Variants in NXPH2 observed in about 807,000 individuals in gnomAD.
NXPH2 encodes neurexophilin-2.
A neutral mutation model predicts 19.8 loss-of-function variants in NXPH2; 5 were observed. That is an observed-to-expected ratio of 0.25 (90% CI 0.13 to 0.53). The LOEUF (loss-of-function observed/expected upper bound fraction) is 0.53, where lower values mean the gene tolerates loss of function less well. Among genes scored for constraint, NXPH2 ranks in the 20% least tolerant of loss-of-function variants. The probability of loss-of-function intolerance (pLI) is 0.96; values close to 1 mark genes in which losing one functional copy is unlikely to be tolerated. For missense variants in NXPH2, 289 were observed against 322.8 expected (o/e 0.90, Z 0.80); for synonymous variants, 154 against 127.4 (o/e 1.21, Z -1.41).
rs57378218 is a variant in NXPH2 at position 138,730,591 on chromosome 2, C to G, written c.51+49600G>C. 3.5e-3 allele frequency among the ~76,000 whole-genome samples: 534 copies of G among 152,180 alleles called. 3 individuals carry two copies. The highest frequency in any genetic ancestry group is 8.7e-3 in the African/African-American group (361 of 41,508). ...GCTATGAGGCAGCCCAGGGCAGAGACCATTTGTATAGATGCTCAGGATGAT... is the reference window on the plus strand; with the variant it reads ...GCTATGAGGCAGCCCAGGGCAGAGAGCATTTGTATAGATGCTCAGGATGAT... On this transcript the variant is annotated intron_variant, in intron 1 of 1. Transcript: ENST00000272641.
At chr2:138,693,609 A>T (rs1472934161) in intron 1 of NXPH2, among the ~76,000 whole-genome samples, 1 of 151,574 alleles carries the variant, frequency 6.6e-6, no homozygotes, top group Non-Finnish European at 1.5e-5. Flanking sequence ...CAAAGATGTG[A>T]CTCTCTAGAA....
intron 1 of NXPH2, among the ~76,000 whole-genome samples, chr2:138,673,226 T>G (rs2104963965): frequency 6.6e-6 from 1 of 152,262 alleles, no homozygotes; most frequent in South Asian, 2.1e-4. Context: ...TCTTAGGGGC[T>G]TATACACCCT....
rs1401868707 is a variant in NXPH2 at position 138,780,356 on chromosome 2, C to T, written c.-115G>A. On this transcript the variant is annotated 5_prime_UTR_variant, in exon 1 of 2. Transcript: ENST00000272641. ...GGGACACAGCGCGGCGCTTCCCTCC[C>T]GGAATCCGAGCGCTGCGCCGTGCCG... 1 of 567,920 alleles carries T rather than the reference C, an allele frequency of 1.8e-6. No individual in the cohort carries two copies. The highest frequency in any genetic ancestry group is 3.0e-5 in the South Asian group (1 of 33,482). 35.2% of individuals were successfully genotyped at this position (567,920 alleles called of 1,614,324 possible). A position where few individuals can be genotyped will look rare whatever the true frequency, so the allele number is the denominator to read the frequency against.
At chr2:138,681,229 CTTTATG>C (rs1168193045) in intron 1 of NXPH2, among the ~76,000 whole-genome samples, 1 of 152,136 alleles carries the variant, frequency 6.6e-6, no homozygotes, top group Non-Finnish European at 1.5e-5. Context: ...ATAGAGTTGT[CTTTATG>C]TTTATAGGTG....
At chr2:138,682,080 G>A (rs116120258) in intron 1 of NXPH2, among the ~76,000 whole-genome samples, 127 of 152,236 alleles carry the variant, frequency 8.3e-4, no homozygotes, top group Non-Finnish European at 9.3e-4. Context: ...TGCTTTGACA[G>A]TACTGTCCTA....
At chr2:138,719,546 G>T (rs1386398820) in intron 1 of NXPH2, among the ~76,000 whole-genome samples, 1 of 152,120 alleles carries the variant, frequency 6.6e-6, no homozygotes. Context: ...GCAAGTATAT[G>T]AATGTATAGT....
At chr2:138,745,424 T>C (rs995027941) in intron 1 of NXPH2, among the ~76,000 whole-genome samples, 2 of 150,602 alleles carry the variant, frequency 1.3e-5, no homozygotes, top group Admixed American at 6.6e-5. Context: ...AGCAAGCTAA[T>C]TGTGTACTGG....
At chr2:138,701,022 G>T (rs187504766) in intron 1 of NXPH2, among the ~76,000 whole-genome samples, 1 of 152,196 alleles carries the variant, frequency 6.6e-6, no homozygotes, top group African/African-American at 2.4e-5. Flanking sequence ...TATAAATCTG[G>T]TAAATAGACT....
chr2:138,691,211 T>G (rs927832020), intron 1 of NXPH2, among the ~76,000 whole-genome samples: 1 of 152,192 alleles, frequency 6.6e-6, no homozygotes, highest in Non-Finnish European at 1.5e-5. Flanking sequence ...CTTGTTGGGT[T>G]TCCAGGTGAT....
At chr2:138,778,396 G>A (rs1682298837) in intron 1 of NXPH2, among the ~76,000 whole-genome samples, 1 of 152,106 alleles carries the variant, frequency 6.6e-6, no homozygotes, top group Admixed American at 6.5e-5. Context: ...TAGCTCTTAA[G>A]GAGAGCATAT....
intron 1 of NXPH2, among the ~76,000 whole-genome samples, chr2:138,735,393 A>G (rs1203658892): frequency 6.6e-6 from 1 of 152,150 alleles, no homozygotes; most frequent in Non-Finnish European, 1.5e-5. Flanking sequence ...GTCATATCTT[A>G]CATGGATGGC....
At chr2:138,713,331 G>T (rs569048748) in intron 1 of NXPH2, among the ~76,000 whole-genome samples, 14 of 152,148 alleles carry the variant, frequency 9.2e-5, no homozygotes, top group Non-Finnish European at 1.2e-4. Flanking sequence ...ACGGTCTGAA[G>T]AGGGACCTTT....
intron 1 of NXPH2, among the ~76,000 whole-genome samples, chr2:138,722,231 G>A (rs1024172599): frequency 6.6e-6 from 1 of 152,190 alleles, no homozygotes; most frequent in African/African-American, 2.4e-5. Flanking sequence ...TATTTAAGGT[G>A]GTCAAGAAAG....
chr2:138,757,821 CTATCT>C (rs1325631178), intron 1 of NXPH2, among the ~76,000 whole-genome samples: 1 of 31,880 alleles, frequency 3.1e-5, no homozygotes, highest in African/African-American at 1.2e-4. Flanking sequence ...CTTTATCTAT[CTATCT>C]ATCTATCTAT....
At chr2:138,766,525 G>T (rs1682095951) in intron 1 of NXPH2, among the ~76,000 whole-genome samples, 1 of 152,110 alleles carries the variant, frequency 6.6e-6, no homozygotes, top group Non-Finnish European at 1.5e-5. Context: ...GCACAGGATG[G>T]CTCCCAACAA....
chr2:138,677,272 T>C (rs1219593654), intron 1 of NXPH2, among the ~76,000 whole-genome samples: 2 of 152,212 alleles, frequency 1.3e-5, no homozygotes, highest in Admixed American at 1.3e-4. Flanking sequence ...ACATTTAACC[T>C]CAAGCATAAA....
chr2:138,671,227 A>C lies in NXPH2; in HGVS notation c.490T>G (p.Ser164Ala). The C allele has an allele frequency of 6.2e-7, 1 of 1,613,876 alleles. No homozygotes were observed. Among genetic ancestry groups the C allele is most frequent in the Non-Finnish European group, 8.5e-7 (1 of 1,179,814 alleles). ...GAAACTTCAAATTCCACCACCTTGGAGGGTGGTACCAAGCTCACTGAAACA... is the reference window on the plus strand; with the variant it reads ...GAAACTTCAAATTCCACCACCTTGGCGGGTGGTACCAAGCTCACTGAAACA... ...GNVSVSLVPP[S>A]KVVEFEVSPQ... The change falls in exon 2 of 2, where the codon TCC becomes GCC. Residue 164 changes from serine (S) to alanine (A), a missense_variant. By Grantham distance (99) the Ser-to-Ala change is moderately conservative (BLOSUM62 1). Coordinates refer to ENST00000272641, the MANE Select transcript of NXPH2 (RefSeq NM_007226.3).
chr2:138,741,202 T>C (rs557224032), intron 1 of NXPH2, among the ~76,000 whole-genome samples: 4 of 152,282 alleles, frequency 2.6e-5, no homozygotes, highest in African/African-American at 7.2e-5. Context: ...TTCAGCTTTG[T>C]TGAGGATGGG....
At chr2:138,683,896 T>C (rs568802604) in intron 1 of NXPH2, among the ~76,000 whole-genome samples, 1 of 152,208 alleles carries the variant, frequency 6.6e-6, no homozygotes, top group Non-Finnish European at 1.5e-5. Context: ...TCACAGTGTA[T>C]TGGGGATTTT....
Sources: gnomAD v4.1 joint callset for allele counts (sites outside exome capture counted in the v4.1 genomes callset) on GRCh38, gnomAD v4.1.1 for gene constraint, MANE v1.5 for transcripts, NCBI Gene and HGNC (gene_info 2026-07-23, HGNC 2026-07-21) for gene names.